The following NGLY1 variants were observed in gnomAD, a reference collection of about 807,000 sequenced individuals.
NGLY1 encodes peptide-N(4)-(N-acetyl-beta-glucosaminyl)asparagine amidase.
NGLY1 carries 68 observed loss-of-function variants against 84.6 expected under a neutral mutation model. The ratio of observed to expected loss-of-function variants is 0.80; its 90% CI spans 0.66 to 0.98. NGLY1 has a LOEUF of 0.98. Among genes scored for constraint, NGLY1 ranks in the 50% least tolerant of loss-of-function variants. The pLI is 0.00. For missense variants in NGLY1, 779 were observed against 770.2 expected (o/e 1.01, Z -0.14); for synonymous variants, 280 against 275.2 (o/e 1.02, Z -0.17).
In NGLY1 at chr3:25,720,130, C is replaced by A; in HGVS notation, c.1673G>T (p.Gly558Val). The A allele has an allele frequency of 1.2e-6, 2 of 1,613,550 alleles. No individual in the cohort carries two copies. The highest frequency in any genetic ancestry group is 2.2e-5 in the South Asian group (2 of 91,016). Residue 558 changes from glycine (G) to valine (V), a missense_variant, in exon 11 of 12, where the codon GGG becomes GTG. Physicochemically the swap from Gly to Val is moderately radical, Grantham distance 109. Coordinates refer to ENST00000280700, the MANE Select transcript of NGLY1 (RefSeq NM_018297.4). ...FAYISWKFEC[G>V]SVGLKVDSIS... The stretch of plus-strand genomic sequence containing the variant: ...GCTATCTACTTTTAGGCCAACTGAC[C>A]CACACTCAAACTTCCAGGAAATATA...
intron 4 of NGLY1, among the ~76,000 whole-genome samples, chr3:25,748,315 C>G (rs1706549202): frequency 6.6e-6 from 1 of 152,088 alleles, no homozygotes; most frequent in Non-Finnish European, 1.5e-5. Context: ...AAACGAACAC[C>G]AAGCAGGATA....
intron 4 of NGLY1, among the ~76,000 whole-genome samples, chr3:25,750,059 TTTAA>T (rs1224647292): frequency 2.6e-5 from 4 of 151,598 alleles, no homozygotes; most frequent in Non-Finnish European, 1.5e-5. Flanking sequence ...AAAGAAGAGG[TTTAA>T]TTGACTCACA....
In NGLY1 at chr3:25,739,709, C is replaced by T. The variant is rs1440956965; in HGVS notation, c.749G>A (p.Cys250Tyr). Residue 250 changes from cysteine to tyrosine, a missense_variant, in exon 5 of 12, where the codon TGC (cysteine) becomes TAC (tyrosine). Cys to Tyr is a radical substitution (Grantham distance 194, BLOSUM62 -2). Coordinates refer to ENST00000280700, the MANE Select transcript of NGLY1 (RefSeq NM_018297.4). Reference protein sequence around the residue: ...EFFHWVNNVLCSKCGGQTRSR... With the variant: ...EFFHWVNNVLYSKCGGQTRSR... The stretch of plus-strand genomic sequence containing the variant: ...CCTAGTCTGTCCACCACATTTGCTG[C>T]ACAAAACGTTATTCACCCAGTGAAA... The T allele has an allele frequency of 6.2e-7, 1 of 1,614,072 alleles. No individual in the cohort carries two copies. Among genetic ancestry groups the T allele is most frequent in the Non-Finnish European group, 8.5e-7 (1 of 1,179,990 alleles).
chr3:25,719,585 A>G lies in NGLY1; in HGVS notation c.1840T>C (p.Leu614=), dbSNP rs1477282824. The G allele has an allele frequency of 6.2e-7, 1 of 1,614,030 alleles. No homozygotes were observed. The highest frequency in any genetic ancestry group is 2.2e-5 in the East Asian group (1 of 44,882). ...ADFSGATEVI[L]EAELSRGDGD... ...TCTCCTCTGCTTAATTCTGCTTCCA[A>G]AATAACTTCAGTGGCACCAGAAAAA... Residue 614 remains leucine (L), a synonymous_variant, in exon 12 of 12, where the codon TTG becomes CTG. Coordinates refer to ENST00000280700, the MANE Select transcript of NGLY1 (RefSeq NM_018297.4).
At chr3:25,774,126 A>G (rs759147188) in intron 2 of NGLY1, among the ~76,000 whole-genome samples, 1 of 151,940 alleles carries the variant, frequency 6.6e-6, no homozygotes, top group East Asian at 1.9e-4. Flanking sequence ...ATGCGATTGG[A>G]CTCAAGACCT....
intron 2 of NGLY1, among the ~76,000 whole-genome samples, chr3:25,769,544 G>T (rs1707788393): frequency 6.6e-6 from 1 of 151,958 alleles, no homozygotes. Flanking sequence ...TTATCAAAAA[G>T]ACAGAAAATA....
At chr3:25,736,251 T>C (rs1705814759) in intron 6 of NGLY1, 102 bp from the exon 7 acceptor site, 3 of 1,553,694 alleles carry the variant, frequency 1.9e-6, no homozygotes, top group Non-Finnish European at 2.6e-6. Flanking sequence ...AAGTAATGCA[T>C]AATATTCTGA....
chr3:25,727,612 G>A (rs1031643806), intron 10 of NGLY1, among the ~76,000 whole-genome samples: 1 of 152,120 alleles, frequency 6.6e-6, no homozygotes, highest in Non-Finnish European at 1.5e-5. Flanking sequence ...GGTTAAGATG[G>A]CGGTTTATGC....
intron 4 of NGLY1, among the ~76,000 whole-genome samples, chr3:25,744,987 C>T (rs1029225132): frequency 2.0e-5 from 3 of 152,170 alleles, no homozygotes; most frequent in Non-Finnish European, 4.4e-5. Flanking sequence ...AATCTCTAAG[C>T]CACCAGTCAT....
chr3:25,749,739 A>C, intron 4 of NGLY1: 1 of 1,573,492 alleles, frequency 6.4e-7, no homozygotes, highest in Non-Finnish European at 8.6e-7. Context: ...AACGTCAAGG[A>C]GCTTGAAGTG....
intron 4 of NGLY1, among the ~76,000 whole-genome samples, chr3:25,750,622 G>T (rs534770521): frequency 6.6e-6 from 1 of 151,668 alleles, no homozygotes; most frequent in African/African-American, 2.4e-5. Context: ...TGGGTAAGAT[G>T]GTAAATTTTG....
chr3:25,762,668 A>G (rs891058251), intron 3 of NGLY1, among the ~76,000 whole-genome samples: 2 of 152,148 alleles, frequency 1.3e-5, no homozygotes, highest in African/African-American at 2.4e-5. Context: ...AACTTAAAAA[A>G]AGGGCTGGGT....
intron 10 of NGLY1, among the ~76,000 whole-genome samples, chr3:25,725,348 T>G (rs1434913992): frequency 6.6e-6 from 1 of 152,232 alleles, no homozygotes; most frequent in Non-Finnish European, 1.5e-5. Flanking sequence ...TGTGCCTTCC[T>G]ATACCTTGCC....
At chr3:25,754,787 G>GT (rs1262998597) in intron 3 of NGLY1, 5,854 of 272,394 alleles carry the variant, frequency 0.021, 339 homozygotes, top group African/African-American at 0.17. Context: ...GATGACTCGT[G>GT]CTTTTTTTTT....
chr3:25,759,850 AT>A (rs954115033), intron 3 of NGLY1, among the ~76,000 whole-genome samples: 4 of 151,886 alleles, frequency 2.6e-5, no homozygotes, highest in African/African-American at 9.7e-5. Flanking sequence ...AATGTGTATA[AT>A]TTTGTCAAAT....
intron 1 of NGLY1, among the ~76,000 whole-genome samples, chr3:25,780,319 C>T (rs1019268895): frequency 2.6e-5 from 4 of 152,030 alleles, no homozygotes; most frequent in Admixed American, 6.6e-5. Context: ...GTGAGCCTCT[C>T]TTTCTTATCA....
At chr3:25,775,913 T>C (rs1311590528) in intron 2 of NGLY1, among the ~76,000 whole-genome samples, 1 of 152,230 alleles carries the variant, frequency 6.6e-6, no homozygotes, top group Non-Finnish European at 1.5e-5. Flanking sequence ...ATTACTCAGA[T>C]ATGTTCATTA....
chr3:25,773,710 A>G (rs893846664), intron 2 of NGLY1, among the ~76,000 whole-genome samples: 1 of 152,102 alleles, frequency 6.6e-6, no homozygotes, highest in Non-Finnish European at 1.5e-5. Context: ...TATTACCAGA[A>G]TTGTTTTTCT....
At chr3:25,787,193 G>A (rs1575674039), upstream of NGLY1, among the ~76,000 whole-genome samples, 1 of 152,214 alleles carries the variant, frequency 6.6e-6, no homozygotes, top group Non-Finnish European at 1.5e-5. Context: ...CAGTTTCAGT[G>A]AGGGGGGACA....
Sources: gnomAD v4.1 joint callset for allele counts (sites outside exome capture counted in the v4.1 genomes callset) on GRCh38, gnomAD v4.1.1 for gene constraint, MANE v1.5 for transcripts, NCBI Gene and HGNC (gene_info 2026-07-23, HGNC 2026-07-21) for gene names.